Variants in MOCOS observed in about 807,000 individuals in gnomAD.
The protein encoded by MOCOS is human molybdenum cofactor sulfurase.
In MOCOS, 86 loss-of-function variants were observed where a neutral mutation model predicts 83.6. The observed-to-expected ratio is 1.03, with a 90% CI of 0.86 to 1.23. The LOEUF is 1.23. MOCOS is among the 50% of genes most tolerant of loss of function. The pLI, the probability that MOCOS is intolerant of heterozygous loss-of-function variation, is 0.00. For missense variants in MOCOS, 1,120 were observed against 1,126.9 expected (o/e 0.99, Z 0.09); for synonymous variants, 445 against 434.7 (o/e 1.02, Z -0.29).
At chr18:36,215,146 GC>G (rs2091470835) in intron 7 of MOCOS, among the ~76,000 whole-genome samples, 1 of 152,220 alleles carries the variant, frequency 6.6e-6, no homozygotes, top group South Asian at 2.1e-4. Flanking sequence ...TCCCATCTCA[GC>G]CCCGGGTAGA....
chr18:36,244,853 A>G (rs920227523), intron 9 of MOCOS, among the ~76,000 whole-genome samples: 1 of 151,978 alleles, frequency 6.6e-6, no homozygotes, highest in Non-Finnish European at 1.5e-5. Flanking sequence ...TTCCTGTTGG[A>G]CTGTTCTTTT....
chr18:36,257,037 C>T lies in MOCOS; in HGVS notation c.2234C>T (p.Ser745Phe). 6.2e-7 allele frequency: 1 copy of T among 1,614,106 alleles called. No homozygotes were observed. The highest frequency in any genetic ancestry group is 8.5e-7 in the Non-Finnish European group (1 of 1,179,974). Residue 745 changes from serine (S) to phenylalanine (F), a missense_variant, in exon 12 of 15, where the codon TCC becomes TTC. Coordinates refer to ENST00000261326, the MANE Select transcript of MOCOS (RefSeq NM_017947.4). ...NEAQYLLINTSSILELHRQLN... is the reference protein window; with the variant it reads ...NEAQYLLINTFSILELHRQLN... ...GCACAGTATCTGCTGATCAACACATCCAGTATTTTGGAACTTCACCGGCAA... is the reference window on the plus strand; with the variant it reads ...GCACAGTATCTGCTGATCAACACATTCAGTATTTTGGAACTTCACCGGCAA...
chr18:36,240,453 C>T (rs1055956738), intron 9 of MOCOS, among the ~76,000 whole-genome samples: 5 of 150,506 alleles, frequency 3.3e-5, no homozygotes, highest in African/African-American at 9.8e-5. Context: ...GCTCGGGGGT[C>T]AGGGGTCAGG....
intron 7 of MOCOS, 38 bp downstream of exon 7, chr18:36,213,520 G>T (rs775658541): frequency 6.4e-7 from 1 of 1,555,790 alleles, no homozygotes; most frequent in East Asian, 2.2e-5. Context: ...GCTGGTCAGC[G>T]AGACCCAGCA....
chr18:36,196,026 C>T (rs1277995255), intron 2 of MOCOS, among the ~76,000 whole-genome samples: 1 of 152,056 alleles, frequency 6.6e-6, no homozygotes, highest in Non-Finnish European at 1.5e-5. Flanking sequence ...ACAGCCTGAG[C>T]CAAGATCCCA....
In MOCOS at chr18:36,240,185, C is replaced by T. The variant is rs550398686; in HGVS notation, c.1961-8737C>T. Among the ~76,000 whole-genome samples, 52 of 139,002 alleles carry T rather than the reference C, an allele frequency of 3.7e-4. No individual in the cohort carries two copies. In the East Asian group the frequency reaches 9.3e-3, roughly 25 times the overall value. 91.2% of individuals were successfully genotyped at this position (139,002 alleles called of 152,430 possible). ...TTGTTCCGTTGCTGGTGAGGAGCTG[C>T]GTTCCTTTGGAGGAGGAGAGGCGCT... On this transcript the variant is annotated intron_variant, in intron 9 of 14. Coordinates refer to ENST00000261326, the MANE Select transcript of MOCOS (RefSeq NM_017947.4).
At chr18:36,244,562 T>C (rs2091596057) in intron 9 of MOCOS, among the ~76,000 whole-genome samples, 1 of 152,164 alleles carries the variant, frequency 6.6e-6, no homozygotes, top group Admixed American at 6.5e-5. Context: ...TCTTGGAGAA[T>C]ATTACATGTG....
intron 2 of MOCOS, 150 bp downstream of exon 2, chr18:36,195,496 G>C (rs1048783156): frequency 8.4e-6 from 6 of 712,822 alleles, no homozygotes; most frequent in African/African-American, 5.3e-5. Context: ...CAAGCACCCT[G>C]GGTCATTCTG....
chr18:36,230,127 G>A (rs1362748674), intron 9 of MOCOS, among the ~76,000 whole-genome samples: 5 of 152,172 alleles, frequency 3.3e-5, no homozygotes, highest in African/African-American at 1.2e-4. Flanking sequence ...CTGTCACCCA[G>A]GCTGGAGTAC....
chr18:36,271,586 T>C lies in MOCOS; in HGVS notation c.*2901T>C, dbSNP rs1446785697. On this transcript the variant is annotated 3_prime_UTR_variant, in exon 15 of 15. Transcript: ENST00000261326. The stretch of plus-strand genomic sequence containing the variant: ...GTGTATAACAAAATCAAAGACAATG[T>C]CATGTCCCTTGAATTTAATTCTAAC... 1.3e-5 allele frequency: 2 copies of C among 152,196 alleles called. No homozygotes were observed. The highest frequency in any genetic ancestry group is 4.8e-5 in the African/African-American group (2 of 41,456). 9.4% of individuals were successfully genotyped at this position (152,196 alleles called of 1,614,324 possible).
chr18:36,190,600 T>C (rs1032032318), intron 1 of MOCOS, among the ~76,000 whole-genome samples: 2 of 151,384 alleles, frequency 1.3e-5, no homozygotes, highest in Non-Finnish European at 2.9e-5. Context: ...TATACAAAAA[T>C]TAGGCAGGCA....
chr18:36,251,135 C>T lies in MOCOS; in HGVS notation c.2040-24C>T, dbSNP rs765965064. On this transcript the variant is annotated intron_variant, in intron 10 of 14. Transcript: ENST00000261326. Reference sequence around the variant, plus strand: ...TAAATAAATACTATGTAACAGTTCACTCTTTCTCTCTCTCTTTTGCCAGAG... The same window carrying T: ...TAAATAAATACTATGTAACAGTTCATTCTTTCTCTCTCTCTTTTGCCAGAG... 9.3e-6 allele frequency: 15 copies of T among 1,605,402 alleles called. No individual in the cohort carries two copies. In the African/African-American group the frequency reaches 1.2e-4, roughly 13 times the overall value.
chr18:36,209,622 G>A (rs974860537), intron 6 of MOCOS, among the ~76,000 whole-genome samples: 1 of 152,038 alleles, frequency 6.6e-6, no homozygotes, highest in Non-Finnish European at 1.5e-5. Context: ...ATTTCACTTA[G>A]AATAATGGCC....
chr18:36,244,122 G>A (rs538037349), intron 9 of MOCOS, among the ~76,000 whole-genome samples: 3 of 151,554 alleles, frequency 2.0e-5, no homozygotes, highest in African/African-American at 4.8e-5. Context: ...ATTTCATTTA[G>A]TGTTACTCTG....
intron 9 of MOCOS, among the ~76,000 whole-genome samples, chr18:36,230,749 C>A (rs2091534845): frequency 6.6e-6 from 1 of 152,120 alleles, no homozygotes; most frequent in Admixed American, 6.6e-5. Flanking sequence ...GGCTCTCTTC[C>A]TGATTGTATG....
Position 36,195,416 on chromosome 18 carries a change from C to T in MOCOS, c.232+70C>T, listed in dbSNP as rs2298602. The T allele has an allele frequency of 0.14, 187,520 of 1,354,874 alleles. 14,448 individuals carry two copies. The highest frequency in any genetic ancestry group is 0.31 in the East Asian group (13,271 of 43,468). The allele number at this position is 1,354,874 out of a possible 1,614,324, so 83.9% of individuals were successfully genotyped here. A position where few individuals can be genotyped will look rare whatever the true frequency, so the allele number is the denominator to read the frequency against. On this transcript the variant is annotated intron_variant, in intron 2 of 14. Coordinates refer to ENST00000261326, the MANE Select transcript of MOCOS (RefSeq NM_017947.4). ...CTGATATACCTGTGCATGTTAAACG[C>T]TGGATTAATAGGCCAGGAATATTCT...
intron 9 of MOCOS, among the ~76,000 whole-genome samples, chr18:36,223,835 T>C (rs910398341): frequency 4.6e-5 from 7 of 152,196 alleles, no homozygotes; most frequent in African/African-American, 1.7e-4. Context: ...AAGTTTCTTT[T>C]GTTCTTTTAA....
rs1031909609 is a variant in MOCOS, at chr18:36,219,103, G to A, written c.1798-952G>A. On this transcript the variant is annotated intron_variant, in intron 8 of 14. Coordinates refer to ENST00000261326, the MANE Select transcript of MOCOS (RefSeq NM_017947.4). ...AGGATGGTCTTGAACTCCTGACCTC[G>A]TGATCTGCCCGCCTCAGTCTCCCAA... Among the ~76,000 whole-genome samples, 7 of 151,124 alleles carry A rather than the reference G, an allele frequency of 4.6e-5. No homozygotes were observed. The Middle Eastern group carries it at 0.01, about 220-fold the overall frequency.
At position 36,269,658 on chromosome 18, in the gene MOCOS, C is replaced by T. The variant is rs900407466; in HGVS notation, c.*973C>T. ...CTTCCAGCCTGGGGTCTTACCCTGT[C>T]CTCTGGAGCAATGCAGAGTGAGTAC... On this transcript the variant is annotated 3_prime_UTR_variant, in exon 15 of 15. Coordinates refer to ENST00000261326, the MANE Select transcript of MOCOS (RefSeq NM_017947.4). The T allele has an allele frequency of 3.3e-5, 5 of 152,398 alleles. No individual in the cohort carries two copies. Among genetic ancestry groups the T allele is most frequent in the African/African-American group, 1.2e-4 (5 of 41,576 alleles). 9.4% of individuals were successfully genotyped at this position (152,398 alleles called of 1,614,324 possible). A position where few individuals can be genotyped will look rare whatever the true frequency, so the allele number is the denominator to read the frequency against.
Sources: gnomAD v4.1 joint callset for allele counts (sites outside exome capture counted in the v4.1 genomes callset) on GRCh38, gnomAD v4.1.1 for gene constraint, MANE v1.5 for transcripts, NCBI Gene and HGNC (gene_info 2026-07-23, HGNC 2026-07-21) for gene names.